OTOF: variants seen among roughly 807,000 people sequenced by gnomAD.
OTOF encodes fer-1-like family member 2.
In OTOF, 218 loss-of-function variants were observed where a neutral mutation model predicts 236.8. The ratio of observed to expected loss-of-function variants is 0.92; its 90% confidence interval spans 0.82 to 1.03. The LOEUF is 1.03. Ranked by LOEUF, OTOF falls within the 50% of genes least tolerant of loss-of-function variation. The pLI is 0.00. For missense variants in OTOF, 2,590 were observed against 2,694.4 expected, an observed-to-expected ratio of 0.96 and a Z score of 0.86; for synonymous variants, 1,041 against 1,072.5, an observed-to-expected ratio of 0.97 and a Z score of 0.57.
At chr2:26,535,952 A>T (rs1055085660) in intron 2 of OTOF, among the ~76,000 whole-genome samples, 4 of 152,240 alleles carry the variant, frequency 2.6e-5, no homozygotes, top group African/African-American at 4.8e-5. Flanking sequence ...AAGGGGCATC[A>T]GGTTGCCCCC....
At position 26,460,953 on chromosome 2, in the gene OTOF, C is replaced by T. The variant is rs147781377; in HGVS notation, c.5611G>A (p.Gly1871Arg). Residue 1871 changes from glycine to arginine, a missense_variant, in exon 44 of 47, where the codon GGG becomes AGG. By Grantham distance (125) the Gly-to-Arg change is moderately radical (BLOSUM62 -2). Transcript: ENST00000272371. This position sits in a 1 kb window ranked among gnomAD's most constrained non-coding sequence, Gnocchi z 5.3. The stretch of plus-strand genomic sequence containing the variant: ...GACACGAGGGGCACGTCCACCTCCC[C>T]GGTGGCCATCTCCATGGTGCACTGC... ...AKQCTMEMAT[G>R]EVDVPLVSIF... 24 of 1,613,826 alleles carry T rather than the reference C, an allele frequency of 1.5e-5. No homozygotes were observed. The highest frequency in any genetic ancestry group is 6.7e-5 in the African/African-American group (5 of 74,908).
intron 30 of OTOF, 189 bp downstream of exon 30, chr2:26,472,330 C>T (rs760244938): frequency 6.6e-5 from 47 of 708,752 alleles, no homozygotes; most frequent in African/African-American, 2.3e-4. Flanking sequence ...CACACGCACG[C>T]GTGTGCATTC....
intron 12 of OTOF, 35 bp downstream of exon 12, chr2:26,484,439 C>T (rs371481715): frequency 6.2e-7 from 1 of 1,612,962 alleles, no homozygotes; most frequent in African/African-American, 1.3e-5. Flanking sequence ...GAAGGGCTGG[C>T]TCAGACTCCA....
At position 26,477,053 on chromosome 2, in the gene OTOF, GGGGGGTGGCCAGGGGCAGTGGGTAA is replaced by G; in HGVS notation, c.2524-35_2524-11del. 2 of 1,550,068 alleles carry G rather than the reference GGGGGGTGGCCAGGGGCAGTGGGTAA, an allele frequency of 1.3e-6. No individual in the cohort carries two copies. The highest frequency in any genetic ancestry group is 1.8e-6 in the Non-Finnish European group (2 of 1,142,252). ...GAATGCTGTGCTGGGGCTGGGGGTT[GGGGGGTGGCCAGGGGCAGTGGGTAA>G]GGGGGTCTAGCCTCCTGATTGAGCC... On this transcript the variant is annotated splice_polypyrimidine_tract_variant and intron_variant, in intron 21 of 46. Transcript: ENST00000272371. The surrounding 1 kb of genome is among the most constrained non-coding windows in gnomAD (Gnocchi z 4.7).
chr2:26,462,976 A>G lies in OTOF; in HGVS notation c.5192+507T>C, dbSNP rs946298605. Among the ~76,000 whole-genome samples, 3 of 152,072 alleles carry G rather than the reference A, an allele frequency of 2.0e-5. No individual in the cohort carries two copies. Among genetic ancestry groups the G allele is most frequent in the African/African-American group, 7.2e-5 (3 of 41,410 alleles). ...CTACCACCTCCTGCCTCTTCCAGGCACTCACTCCTGGATTCATCACTGGCA... is the reference window on the plus strand; with the variant it reads ...CTACCACCTCCTGCCTCTTCCAGGCGCTCACTCCTGGATTCATCACTGGCA... On this transcript the variant is annotated intron_variant, in intron 41 of 46. Transcript: ENST00000272371. This position sits in a 1 kb window ranked among gnomAD's most constrained non-coding sequence, Gnocchi z 4.7.
At chr2:26,526,938 G>C (rs1055764280) in intron 3 of OTOF, among the ~76,000 whole-genome samples, 8 of 152,056 alleles carry the variant, frequency 5.3e-5, no homozygotes, top group Admixed American at 4.6e-4. Flanking sequence ...TGATCCTCCC[G>C]CCTTATCTGC....
At chr2:26,482,631 G>A (rs760404932) in intron 13 of OTOF, 39 bp from the exon 14 acceptor site, 1 of 1,564,242 alleles carries the variant, frequency 6.4e-7, no homozygotes, top group South Asian at 1.1e-5. Flanking sequence ...CGTGGCATGT[G>A]TGTGTGAGTG....
In OTOF at chr2:26,466,845, G is replaced by A; in HGVS notation, c.4369C>T (p.Leu1457Phe). ...ERIVGRFKGS[L>F]CVYKVPLPED... ...GGGAGTGGCACTTTGTACACGCAGA[G>A]GGAGCCCTGGGCAAGACAAATGTGG... The change falls in exon 36 of 47, where the codon CTC (leucine) becomes TTC (phenylalanine). Residue 1457 changes from leucine (L) to phenylalanine (F), a missense_variant. Physicochemically the swap from Leu to Phe is conservative, Grantham distance 22. Around this residue, in one of 2 missense-constraint regions of OTOF, gnomAD observed 1,211 missense variants for 1,352.8 expected, o/e 0.90. Coordinates refer to ENST00000272371, the MANE Select transcript of OTOF (RefSeq NM_194248.3). 6.2e-7 allele frequency: 1 copy of A among 1,614,192 alleles called. No individual in the cohort carries two copies. The highest frequency in any genetic ancestry group is 8.5e-7 in the Non-Finnish European group (1 of 1,180,016).
intron 1 of OTOF, among the ~76,000 whole-genome samples, chr2:26,553,676 T>G (rs1667516534): frequency 6.6e-6 from 1 of 152,162 alleles, no homozygotes; most frequent in African/African-American, 2.4e-5. Flanking sequence ...GACCCTTCGG[T>G]GGCTTCTTAA....
chr2:26,527,962 G>A, intron 2 of OTOF, 42 bp from the exon 3 acceptor site: 1 of 1,415,492 alleles, frequency 7.1e-7, no homozygotes, highest in Non-Finnish European at 1.0e-6. Flanking sequence ...GGCAATAACA[G>A]GTAGGAGCCG....
chr2:26,497,630 G>C (rs991922860), intron 8 of OTOF, among the ~76,000 whole-genome samples: 6 of 152,186 alleles, frequency 3.9e-5, no homozygotes, highest in Non-Finnish European at 8.8e-5. Flanking sequence ...TAAGGAAATA[G>C]AAATTCCAAT....
At chr2:26,544,554 C>T (rs1028295974) in intron 1 of OTOF, among the ~76,000 whole-genome samples, 4 of 152,164 alleles carry the variant, frequency 2.6e-5, no homozygotes, top group Non-Finnish European at 5.9e-5. Flanking sequence ...CGTTGCATGC[C>T]TATACCACAA....
rs143942489 is a variant in OTOF at position 26,535,554 on chromosome 2, A to G, written c.138+2162T>C. ...TTCCCTGTCTCCCCAGTGGGCGGGC[A>G]GCACTTTCCCCGGGCAGGAGCCTCT... On this transcript the variant is annotated intron_variant, in intron 2 of 46. Coordinates refer to ENST00000272371, the MANE Select transcript of OTOF (RefSeq NM_194248.3). Among the ~76,000 whole-genome samples the G allele has an allele frequency of 9.7e-4, 148 of 152,234 alleles. 1 individual carries two copies. The highest frequency in any genetic ancestry group is 3.4e-3 in the African/African-American group (143 of 41,524).
chr2:26,469,308 T>C (rs576870605), intron 32 of OTOF, among the ~76,000 whole-genome samples: 2 of 152,252 alleles, frequency 1.3e-5, no homozygotes, highest in South Asian at 2.1e-4. Context: ...TCTGTGAAAA[T>C]TGCAGGAGTA....
intron 1 of OTOF, among the ~76,000 whole-genome samples, chr2:26,538,056 G>A (rs1667118501): frequency 2.0e-5 from 3 of 152,320 alleles, no homozygotes; most frequent in Non-Finnish European, 2.9e-5. Context: ...CAGAGTGGCC[G>A]TGGAAGCGGA....
intron 1 of OTOF, among the ~76,000 whole-genome samples, chr2:26,545,979 A>G (rs1359398196): frequency 1.3e-5 from 2 of 152,236 alleles, no homozygotes; most frequent in Non-Finnish European, 2.9e-5. Context: ...CCAGCCCCTC[A>G]TATAGTTGAA....
rs745937349 is a variant in OTOF, at chr2:26,465,011, C to T, written c.4818G>A (p.Trp1606Ter). The stretch of plus-strand genomic sequence containing the variant: ...TCTGGCTGGGCTTCATGGGGTCCCG[C>T]CAGATATTGTAGCCATGTCTGTGGG... ...QTYSTHGYNI[W>*]RDPMKPSQIL... is the part of the protein sequence containing the mutation. The change falls in exon 39 of 47, where the codon TGG becomes TGA. Residue 1606 changes from tryptophan to a stop codon, truncating the protein, a stop_gained. Transcript: ENST00000272371. LOFTEE classifies it high-confidence loss of function. 1 of 1,489,190 alleles carries T rather than the reference C, an allele frequency of 6.7e-7. No homozygotes were observed. The highest frequency in any genetic ancestry group is 2.1e-5 in the Admixed American group (1 of 48,736). 92.2% of individuals were successfully genotyped at this position (1,489,190 alleles called of 1,614,324 possible). A position where few individuals can be genotyped will look rare whatever the true frequency, so the allele number is the denominator to read the frequency against.
chr2:26,489,192 G>T lies in OTOF; in HGVS notation c.1045+19C>A, dbSNP rs773286545. Reference sequence around the variant, plus strand: ...GAGCCATGCACACCTCGACTGACTGGCCATGCGCAGGTACTCACCTGGCTG... The same window carrying T: ...GAGCCATGCACACCTCGACTGACTGTCCATGCGCAGGTACTCACCTGGCTG... On this transcript the variant is annotated intron_variant, in intron 11 of 46. Transcript: ENST00000272371. The T allele has an allele frequency of 3.2e-6, 5 of 1,581,234 alleles. No individual in the cohort carries two copies. In the Admixed American group the frequency reaches 8.5e-5, roughly 27 times the overall value.
intron 2 of OTOF, among the ~76,000 whole-genome samples, chr2:26,529,867 G>A (rs953674782): frequency 1.7e-4 from 12 of 71,462 alleles, no homozygotes; most frequent in African/African-American, 3.7e-4. Context: ...ACAGGGCGGA[G>A]GGGTGCGCTG....
Sources: gnomAD v4.1 joint callset for allele counts (sites outside exome capture counted in the v4.1 genomes callset) on GRCh38, gnomAD v4.1.1 for gene constraint, gnomAD v4.1.1 regional missense constraint, Gnocchi (gnomAD v3.1) non-coding constraint, MANE v1.5 for transcripts, NCBI Gene and HGNC (gene_info 2026-07-23, HGNC 2026-07-21) for gene names.